The following PTPRK variants were observed in gnomAD, a reference collection of about 807,000 sequenced individuals.
PTPRK encodes protein tyrosine phosphatase receptor type K.
A neutral mutation model predicts 178.0 loss-of-function variants in PTPRK; 75 were observed. The ratio of observed to expected loss-of-function variants is 0.42; its 90% confidence interval spans 0.35 to 0.51. The LOEUF is 0.51. Ranked by LOEUF, PTPRK falls within the 20% of genes least tolerant of loss-of-function variation. The pLI is 0.02. For synonymous variants in PTPRK, 637 were observed against 620.6 expected, an observed-to-expected ratio of 1.03 and a Z score of -0.39; for missense variants, 1,441 against 1,797.8, an observed-to-expected ratio of 0.80 and a Z score of 3.59.
intron 7 of PTPRK, among the ~76,000 whole-genome samples, chr6:128,120,629 T>G (rs1354201923): frequency 6.6e-6 from 1 of 151,900 alleles, no homozygotes. Context: ...ATATTAATCA[T>G]GATAAAGGCA....
chr6:128,475,110 A>T (rs1195916296), intron 1 of PTPRK, among the ~76,000 whole-genome samples: 1 of 152,092 alleles, frequency 6.6e-6, no homozygotes, highest in Non-Finnish European at 1.5e-5. Context: ...GGCATCTATC[A>T]TCAGACTGCT....
intron 3 of PTPRK, among the ~76,000 whole-genome samples, chr6:128,263,486 G>C (rs1161170142): frequency 2.0e-5 from 3 of 152,208 alleles, no homozygotes; most frequent in East Asian, 3.9e-4. Context: ...ATGTGGAGTG[G>C]GGAGAGATGT....
intron 7 of PTPRK, among the ~76,000 whole-genome samples, chr6:128,176,686 G>A (rs1332302259): frequency 6.6e-6 from 1 of 151,730 alleles, no homozygotes; most frequent in African/African-American, 2.4e-5. Context: ...GGTTGGTGGA[G>A]AGGAAAGAAG....
chr6:128,297,841 CA>C (rs761923751), intron 3 of PTPRK, among the ~76,000 whole-genome samples: 1 of 152,104 alleles, frequency 6.6e-6, no homozygotes, highest in Non-Finnish European at 1.5e-5. Context: ...CAAACACATT[CA>C]AAAGCTAGCG....
chr6:128,294,200 A>C (rs1823876363), intron 3 of PTPRK, among the ~76,000 whole-genome samples: 2 of 152,092 alleles, frequency 1.3e-5, no homozygotes, highest in Admixed American at 1.3e-4. Flanking sequence ...AATATTCTTA[A>C]AAAGAAGAAA....
At chr6:128,129,172 T>C (rs903210741) in intron 7 of PTPRK, among the ~76,000 whole-genome samples, 2 of 152,218 alleles carry the variant, frequency 1.3e-5, no homozygotes, top group African/African-American at 4.8e-5. Context: ...TAATTCTGAC[T>C]ACATGTATTT....
intron 1 of PTPRK, among the ~76,000 whole-genome samples, chr6:128,447,335 A>G (rs1321942550): frequency 6.6e-6 from 1 of 152,214 alleles, no homozygotes; most frequent in African/African-American, 2.4e-5. Flanking sequence ...TAGCTAACAT[A>G]TAACAAGTCT....
chr6:128,123,126 T>C (rs1792749260), intron 7 of PTPRK, among the ~76,000 whole-genome samples: 2 of 152,100 alleles, frequency 1.3e-5, no homozygotes, highest in South Asian at 4.2e-4. Flanking sequence ...AACAGAAACA[T>C]AGGAAAGATG....
chr6:128,467,789 CTCTCAT>C (rs1168360270), intron 1 of PTPRK, among the ~76,000 whole-genome samples: 2 of 144,780 alleles, frequency 1.4e-5, no homozygotes, highest in Non-Finnish European at 3.1e-5. Flanking sequence ...CCCATTAATC[CTCTCAT>C]TGGCCATTAA....
intron 12 of PTPRK, among the ~76,000 whole-genome samples, chr6:128,065,714 G>T (rs574851003): frequency 2.0e-5 from 3 of 152,192 alleles, no homozygotes; most frequent in African/African-American, 7.2e-5. Flanking sequence ...AAGCAGTGAG[G>T]GGGGAATTAG....
At chr6:128,134,052 G>A (rs1384118774) in intron 7 of PTPRK, among the ~76,000 whole-genome samples, 1 of 151,994 alleles carries the variant, frequency 6.6e-6, no homozygotes, top group African/African-American at 2.4e-5. Flanking sequence ...CCCTAAGTGG[G>A]TCTAATAATA....
rs768924864 is a variant in PTPRK, at chr6:128,242,536, G to T, written c.562C>A (p.Leu188Met). 6.2e-7 allele frequency: 1 copy of T among 1,612,824 alleles called. No homozygotes were observed. Among genetic ancestry groups the T allele is most frequent in the South Asian group, 1.1e-5 (1 of 90,930 alleles). Residue 188 changes from leucine (L) to methionine (M), a missense_variant, in exon 4 of 30, where the codon CTG becomes ATG. Physicochemically the swap from Leu to Met is conservative, Grantham distance 15 (BLOSUM62 2). This residue lies in a region of PTPRK where 945 missense variants were observed against 1,080.6 expected (regional missense o/e 0.87). Transcript: ENST00000368226. ...GYIAIDDIQV[L>M]SYPCDKSPHF... ...CACAACCTACCACAAGGATAACTCAGTACTTGGATGTCATCAATGGCAATA... is the reference window on the plus strand; with the variant it reads ...CACAACCTACCACAAGGATAACTCATTACTTGGATGTCATCAATGGCAATA...
At chr6:128,360,535 TAA>T (rs1280833686) in intron 2 of PTPRK, among the ~76,000 whole-genome samples, 1 of 152,110 alleles carries the variant, frequency 6.6e-6, no homozygotes, top group East Asian at 1.9e-4. Flanking sequence ...GAGAAACATA[TAA>T]AGAGTATTAA....
Position 128,067,621 on chromosome 6 carries a change from G to A in PTPRK, c.2055C>T (p.Phe685=). 6.2e-7 allele frequency: 1 copy of A among 1,613,592 alleles called. No homozygotes were observed. Among genetic ancestry groups the A allele is most frequent in the Non-Finnish European group, 8.5e-7 (1 of 1,179,674 alleles). The change falls in exon 12 of 30, where the codon TTC becomes TTT. Residue 685 remains phenylalanine, a synonymous_variant. Transcript: ENST00000368226. The part of the protein sequence containing the change: ...PPGNLPEPAP[F]TVGDNRTYQG... ...GGTAGGTCCGATTGTCACCCACAGT[G>A]AACGGGGCAGGCTCAGGTAGGTTTC... is the stretch of plus-strand genomic sequence containing the variant.
intron 2 of PTPRK, among the ~76,000 whole-genome samples, chr6:128,329,752 T>C (rs1165483617): frequency 1.3e-5 from 2 of 151,028 alleles, no homozygotes; most frequent in Non-Finnish European, 3.0e-5. Context: ...CAGTGTACCA[T>C]TTCAAATGTT....
rs79801489 is a variant in PTPRK, at chr6:128,449,050, C to T, written c.101-51362G>A. ...AATTTTTTTTTTCCCCCAGTAGAGA[C>T]GGGGTTTCACCATGTTGGTCAGGCT... On this transcript the variant is annotated intron_variant, in intron 1 of 29. Transcript: ENST00000368226. Among the ~76,000 whole-genome samples, 24 of 151,932 alleles carry T rather than the reference C, an allele frequency of 1.6e-4. No homozygotes were observed. In the East Asian group the frequency reaches 3.5e-3, roughly 22 times the overall value.
intron 13 of PTPRK, among the ~76,000 whole-genome samples, chr6:128,048,246 A>C (rs865818892): frequency 3.9e-5 from 6 of 152,196 alleles, no homozygotes; most frequent in Admixed American, 1.3e-4. Context: ...GCCTCTTTCC[A>C]GGCCCAGTGA....
chr6:128,111,264 T>C (rs1790611613), intron 7 of PTPRK, among the ~76,000 whole-genome samples: 1 of 152,188 alleles, frequency 6.6e-6, no homozygotes. Context: ...CTTGCCAACT[T>C]AGACGCTGAC....
chr6:128,427,031 T>C (rs1031833745), intron 1 of PTPRK, among the ~76,000 whole-genome samples: 9 of 152,214 alleles, frequency 5.9e-5, no homozygotes, highest in African/African-American at 2.2e-4. Context: ...GATTATGATC[T>C]TCCTTTAATG....
Sources: gnomAD v4.1 joint callset for allele counts (sites outside exome capture counted in the v4.1 genomes callset) on GRCh38, gnomAD v4.1.1 for gene constraint, gnomAD v4.1.1 regional missense constraint, MANE v1.5 for transcripts, NCBI Gene and HGNC (gene_info 2026-07-23, HGNC 2026-07-21) for gene names.